TBC1D5: variants seen among roughly 807,000 people sequenced by gnomAD.
TBC1D5 encodes TBC1 domain family member 5.
A neutral mutation model predicts 100.3 loss-of-function variants in TBC1D5; 75 were observed. The observed-to-expected ratio is 0.75, with a 90% CI of 0.62 to 0.91. The LOEUF (loss-of-function observed/expected upper bound fraction) is 0.91. TBC1D5 is among the 40% of genes least tolerant of loss of function. TBC1D5 has a pLI of 0.00. For missense variants in TBC1D5, 910 were observed against 942.4 expected, an observed-to-expected ratio of 0.97 and a Z score of 0.45; for synonymous variants, 323 against 325.6, an observed-to-expected ratio of 0.99 and a Z score of 0.09.
chr3:17,192,067 GAT>G (rs906607436), intron 18 of TBC1D5, among the ~76,000 whole-genome samples: 4 of 151,998 alleles, frequency 2.6e-5, no homozygotes, highest in African/African-American at 9.7e-5. Flanking sequence ...AAAAATAATG[GAT>G]AGTCCCCAAA....
chr3:17,365,713 C>G (rs1158978435), intron 13 of TBC1D5, among the ~76,000 whole-genome samples: 2 of 152,126 alleles, frequency 1.3e-5, no homozygotes, highest in Non-Finnish European at 2.9e-5. Context: ...AACAAGACTC[C>G]TGATTCTGGG....
At chr3:17,282,992 A>C (rs1424890282) in intron 15 of TBC1D5, among the ~76,000 whole-genome samples, 1 of 152,234 alleles carries the variant, frequency 6.6e-6, no homozygotes, top group African/African-American at 2.4e-5. Context: ...ACTCTGGATA[A>C]AGAACGGCCA....
At chr3:17,299,240 G>C (rs931409375) in intron 14 of TBC1D5, among the ~76,000 whole-genome samples, 11 of 152,290 alleles carry the variant, frequency 7.2e-5, no homozygotes, top group Non-Finnish European at 1.0e-4. Context: ...TGCTGGACAA[G>C]GGAAGATTCA....
In TBC1D5 at chr3:17,491,067, A is replaced by G. The variant is rs139064417; in HGVS notation, c.97+17407T>C. ...TTCCTAGATATTTTATTATCTTGTT[A>G]GCAATTGTGAATGGGAGTTCATTCA... On this transcript the variant is annotated intron_variant, in intron 3 of 21. Coordinates refer to ENST00000253692, the Ensembl canonical transcript of TBC1D5. Among the ~76,000 whole-genome samples, 100 of 152,204 alleles carry G rather than the reference A, an allele frequency of 6.6e-4. 3 individuals carry two copies. In the East Asian group the frequency reaches 0.019, roughly 29 times the overall value.
chr3:17,219,640 C>T (rs189327844), intron 17 of TBC1D5, among the ~76,000 whole-genome samples: 1 of 152,034 alleles, frequency 6.6e-6, no homozygotes, highest in Non-Finnish European at 1.5e-5. Flanking sequence ...CAAATGGTGA[C>T]AATTCACTGG....
chr3:17,671,219 T>C (rs181367156), intron 1 of TBC1D5, among the ~76,000 whole-genome samples: 69 of 152,344 alleles, frequency 4.5e-4, no homozygotes, highest in African/African-American at 1.3e-3. Context: ...CAATCAAAGA[T>C]GTACAATACA....
chr3:17,403,701 T>TA (rs2093699875), intron 7 of TBC1D5, among the ~76,000 whole-genome samples: 1 of 152,280 alleles, frequency 6.6e-6, no homozygotes, highest in Middle Eastern at 3.4e-3. Context: ...TGGAAATACT[T>TA]ATGCCATTTT....
At chr3:17,242,208 AC>A (rs1218091289) in intron 16 of TBC1D5, among the ~76,000 whole-genome samples, 1 of 152,116 alleles carries the variant, frequency 6.6e-6, no homozygotes, top group Non-Finnish European at 1.5e-5. Context: ...ATTTCTATAA[AC>A]TTTCTGAAGC....
intron 15 of TBC1D5, among the ~76,000 whole-genome samples, chr3:17,265,447 C>T (rs1228085078): frequency 6.6e-6 from 1 of 151,894 alleles, no homozygotes; most frequent in East Asian, 1.9e-4. Context: ...GAAGGAGAAA[C>T]AGCACTGTAA....
rs1262850179 is a variant in TBC1D5, at chr3:17,558,117, AACAACAATAAACTATG to A, written c.-35-49528_-35-49513del. Reference sequence around the variant, plus strand: ...ATAATTCTATTTTATAGCTCCCAAAAACAACAATAAACTATGACATTATAAGAAACGAAAGTCAACT... The same window carrying A: ...ATAATTCTATTTTATAGCTCCCAAAAACATTATAAGAAACGAAAGTCAACT... On this transcript the variant is annotated intron_variant, in intron 2 of 21. Coordinates refer to ENST00000253692, the Ensembl canonical transcript of TBC1D5. Among the ~76,000 whole-genome samples the A allele has an allele frequency of 1.2e-4, 18 of 152,322 alleles. No individual in the cohort carries two copies. The East Asian group carries it at 3.1e-3, about 26-fold the overall frequency.
At chr3:17,680,058 G>A (rs2069232635) in intron 1 of TBC1D5, among the ~76,000 whole-genome samples, 1 of 151,342 alleles carries the variant, frequency 6.6e-6, no homozygotes. Context: ...CTGCTAGGGT[G>A]TGGAAACAAT....
At chr3:17,367,625 C>T (rs2092230957) in intron 13 of TBC1D5, among the ~76,000 whole-genome samples, 1 of 151,978 alleles carries the variant, frequency 6.6e-6, no homozygotes, top group African/African-American at 2.4e-5. Context: ...TTGGGAAGCC[C>T]GGGCGGGCAG....
intron 8 of TBC1D5, among the ~76,000 whole-genome samples, chr3:17,397,254 G>T (rs2093532208): frequency 6.6e-6 from 1 of 152,038 alleles, no homozygotes; most frequent in Non-Finnish European, 1.5e-5. Flanking sequence ...GACAAAGTTT[G>T]CTTGCAAAAT....
intron 19 of TBC1D5, among the ~76,000 whole-genome samples, chr3:17,180,293 A>C (rs1181114047): frequency 6.6e-6 from 1 of 152,218 alleles, no homozygotes; most frequent in Non-Finnish European, 1.5e-5. Flanking sequence ...TTGGGTTCCA[A>C]AACTGTGAGG....
At chr3:17,405,304 G>A (rs2093742805) in intron 5 of TBC1D5, among the ~76,000 whole-genome samples, 1 of 151,950 alleles carries the variant, frequency 6.6e-6, no homozygotes. Flanking sequence ...TGGTAAGGGG[G>A]TTATTAAGGA....
Position 17,246,595 on chromosome 3 carries a change from T to C in TBC1D5, c.1332-8176A>G, listed in dbSNP as rs117625907. 1.3e-4 allele frequency among the ~76,000 whole-genome samples: 20 copies of C among 152,308 alleles called. No homozygotes were observed. The South Asian group carries it at 3.1e-3, about 24-fold the overall frequency. On this transcript the variant is annotated intron_variant, in intron 16 of 21. Transcript: ENST00000253692. Reference sequence around the variant, plus strand: ...AGTGTGGAAATGGATCACACATATATGGCCAGTTGATTTTCAACCAATGAT... The same window carrying C: ...AGTGTGGAAATGGATCACACATATACGGCCAGTTGATTTTCAACCAATGAT...
At chr3:17,370,754 T>G (rs1179058288) in intron 13 of TBC1D5, among the ~76,000 whole-genome samples, 1 of 152,198 alleles carries the variant, frequency 6.6e-6, no homozygotes, top group Admixed American at 6.5e-5. Flanking sequence ...TTCTCTTTTC[T>G]GGGTTAAATA....
intron 2 of TBC1D5, among the ~76,000 whole-genome samples, chr3:17,565,439 C>A (rs2096587461): frequency 6.6e-6 from 1 of 152,046 alleles, no homozygotes; most frequent in African/African-American, 2.4e-5. Context: ...ATCAGTACTA[C>A]AATTTTCTTT....
chr3:17,493,758 G>A (rs767400633), intron 3 of TBC1D5, among the ~76,000 whole-genome samples: 2 of 152,118 alleles, frequency 1.3e-5, no homozygotes, highest in Non-Finnish European at 1.5e-5. Flanking sequence ...TTCTCGCCCT[G>A]CATTTTTCAG....
Sources: gnomAD v4.1 joint callset for allele counts (sites outside exome capture counted in the v4.1 genomes callset) on GRCh38, gnomAD v4.1.1 for gene constraint, MANE v1.5 for transcripts, NCBI Gene and HGNC (gene_info 2026-07-23, HGNC 2026-07-21) for gene names.